Variants in SHROOM3 observed in about 807,000 individuals in gnomAD.
SHROOM3 encodes shroom family member 3.
SHROOM3 carries 47 observed loss-of-function variants against 138.6 expected under a neutral mutation model. That is an observed-to-expected ratio of 0.34 (90% confidence interval 0.27 to 0.43). SHROOM3 has a LOEUF of 0.43. Among genes scored for constraint, SHROOM3 ranks in the 20% least tolerant of loss-of-function variants. The pLI is 1.00. For synonymous variants in SHROOM3, 1,062 were observed against 1,063.3 expected (o/e 1.00, Z 0.02); for missense variants, 2,491 against 2,596.5 (o/e 0.96, Z 0.88).
At chr4:76,694,986 G>A (rs575780668) in intron 2 of SHROOM3, among the ~76,000 whole-genome samples, 2 of 152,192 alleles carry the variant, frequency 1.3e-5, no homozygotes, top group African/African-American at 2.4e-5. Context: ...AATGGATGAG[G>A]TCTGTAATAG....
At chr4:76,458,744 T>G (rs1051207872) in intron 1 of SHROOM3, among the ~76,000 whole-genome samples, 3 of 152,204 alleles carry the variant, frequency 2.0e-5, no homozygotes, top group Non-Finnish European at 4.4e-5. Context: ...TGACCCTCTT[T>G]GTAGTTTGTT....
At chr4:76,502,009 A>G (rs1732106619) in intron 1 of SHROOM3, among the ~76,000 whole-genome samples, 1 of 152,216 alleles carries the variant, frequency 6.6e-6, no homozygotes, top group Admixed American at 6.5e-5. Context: ...TGGGGTCTTT[A>G]AGAGGTCTCG....
intron 3 of SHROOM3, among the ~76,000 whole-genome samples, chr4:76,715,240 C>T (rs1301735654): frequency 6.6e-6 from 1 of 152,156 alleles, no homozygotes; most frequent in Non-Finnish European, 1.5e-5. Flanking sequence ...AGGATCTTCT[C>T]ACTTATCTAT....
chr4:76,448,874 T>C (rs1730866176), intron 1 of SHROOM3, among the ~76,000 whole-genome samples: 1 of 152,208 alleles, frequency 6.6e-6, no homozygotes. Flanking sequence ...CACTGTACTA[T>C]GGAATTCAAG....
intron 9 of SHROOM3, among the ~76,000 whole-genome samples, chr4:76,762,373 G>T (rs1269984901): frequency 1.3e-5 from 2 of 152,176 alleles, no homozygotes; most frequent in Admixed American, 6.5e-5. Context: ...GTGCCTTATT[G>T]CCAACAAGGC....
intron 1 of SHROOM3, among the ~76,000 whole-genome samples, chr4:76,456,957 G>A (rs904639205): frequency 1.2e-4 from 19 of 152,252 alleles, no homozygotes; most frequent in Admixed American, 7.9e-4. Context: ...TAAGGGTGGC[G>A]GAGATTACAA....
At chr4:76,659,699 A>C (rs1320899834) in intron 2 of SHROOM3, among the ~76,000 whole-genome samples, 1 of 152,120 alleles carries the variant, frequency 6.6e-6, no homozygotes, top group Non-Finnish European at 1.5e-5. Context: ...CTCCTGCCTC[A>C]GTCTCCAAAG....
chr4:76,612,251 A>G (rs769195298), intron 2 of SHROOM3, among the ~76,000 whole-genome samples: 16 of 152,228 alleles, frequency 1.1e-4, no homozygotes, highest in Admixed American at 2.0e-4. Context: ...CTCCTATGGC[A>G]GGATTTTCTA....
chr4:76,571,860 C>T (rs977147897), intron 2 of SHROOM3, among the ~76,000 whole-genome samples: 1 of 152,146 alleles, frequency 6.6e-6, no homozygotes, highest in Non-Finnish European at 1.5e-5. Context: ...AGTACTTATT[C>T]ATAGATCTAG....
In SHROOM3 at chr4:76,782,709, A is replaced by G. The variant is rs1169025824; in HGVS notation, c.*3532A>G. 6.6e-6 allele frequency: 1 copy of G among 152,220 alleles called. No homozygotes were observed. The highest frequency in any genetic ancestry group is 1.5e-5 in the Non-Finnish European group (1 of 68,042). 9.4% of individuals were successfully genotyped at this position (152,220 alleles called of 1,614,324 possible). ...TGAATTTTATTCACCTTACTATTAG[A>G]AAAAGGAATAACTACAGCCAGAAAT... On this transcript the variant is annotated 3_prime_UTR_variant, in exon 11 of 11. Transcript: ENST00000296043.
chr4:76,703,793 A>G (rs1486025691), intron 2 of SHROOM3, among the ~76,000 whole-genome samples: 1 of 152,240 alleles, frequency 6.6e-6, no homozygotes. Flanking sequence ...GTACACACCC[A>G]ACATAAATCA....
chr4:76,734,324 A>G (rs1183308544), intron 4 of SHROOM3, among the ~76,000 whole-genome samples: 1 of 152,192 alleles, frequency 6.6e-6, no homozygotes, highest in African/African-American at 2.4e-5. Context: ...CACATGAAAA[A>G]TGGTTTGGGA....
chr4:76,485,482 G>A (rs1731710254), intron 1 of SHROOM3, among the ~76,000 whole-genome samples: 1 of 152,184 alleles, frequency 6.6e-6, no homozygotes, highest in Non-Finnish European at 1.5e-5. Flanking sequence ...GAATGCATAT[G>A]ATATGTTCAT....
At position 76,770,970 on chromosome 4, in the gene SHROOM3, C is replaced by T. The variant is rs577603601; in HGVS notation, c.5622+72C>T. On this transcript the variant is annotated intron_variant, in intron 10 of 10. Coordinates refer to ENST00000296043, the MANE Select transcript of SHROOM3 (RefSeq NM_020859.4). ...ACATACATAGAGAGGCGCCATTAGA[C>T]GCCATCCTTTCTCTCAGGAAGATTT... The T allele has an allele frequency of 7.6e-5, 120 of 1,575,180 alleles. No homozygotes were observed. In the African/African-American group the frequency reaches 1.2e-3, roughly 16 times the overall value.
At chr4:76,721,852 G>T (rs1720561402) in intron 3 of SHROOM3, among the ~76,000 whole-genome samples, 1 of 152,238 alleles carries the variant, frequency 6.6e-6, no homozygotes, top group Non-Finnish European at 1.5e-5. Context: ...AGAGAAATGG[G>T]TGTGGTGGAG....
intron 1 of SHROOM3, among the ~76,000 whole-genome samples, chr4:76,478,728 G>T (rs1362085720): frequency 6.6e-6 from 1 of 152,176 alleles, no homozygotes; most frequent in Non-Finnish European, 1.5e-5. Context: ...ATATAGGAGA[G>T]CTCCGGCTGG....
intron 2 of SHROOM3, among the ~76,000 whole-genome samples, chr4:76,563,020 A>T (rs574121636): frequency 2.6e-4 from 40 of 152,304 alleles, no homozygotes; most frequent in African/African-American, 7.2e-4. Flanking sequence ...TTCCAGTCTC[A>T]GTTCTGCTGT....
chr4:76,663,859 G>A (rs1718611612), intron 2 of SHROOM3, among the ~76,000 whole-genome samples: 1 of 152,174 alleles, frequency 6.6e-6, no homozygotes, highest in Non-Finnish European at 1.5e-5. Flanking sequence ...CAGGACATGA[G>A]GCCTTCAGTG....
At chr4:76,472,451 T>C (rs772098359) in intron 1 of SHROOM3, among the ~76,000 whole-genome samples, 1 of 152,098 alleles carries the variant, frequency 6.6e-6, no homozygotes, top group Non-Finnish European at 1.5e-5. Context: ...GATGTTATGA[T>C]TGGGAAGCAG....
Sources: gnomAD v4.1 joint callset for allele counts (sites outside exome capture counted in the v4.1 genomes callset) on GRCh38, gnomAD v4.1.1 for gene constraint, MANE v1.5 for transcripts, NCBI Gene and HGNC (gene_info 2026-07-23, HGNC 2026-07-21) for gene names.